The following MAGI2 variants were observed in gnomAD, a reference collection of about 807,000 sequenced individuals.
MAGI2 encodes membrane-associated guanylate kinase, WW and PDZ domain-containing protein 2.
Under a neutral mutation model 133.3 loss-of-function variants are expected in MAGI2, and 35 were observed. The observed-to-expected ratio is 0.26, with a 90% CI of 0.20 to 0.35. MAGI2 has a LOEUF of 0.35. Ranked by LOEUF, MAGI2 falls within the 10% of genes least tolerant of loss-of-function variation. The pLI, the probability that MAGI2 is intolerant of heterozygous loss-of-function variation, is 1.00. For missense variants in MAGI2, 1,636 were observed against 1,863.4 expected (o/e 0.88, Z 2.25); for synonymous variants, 729 against 710.6 (o/e 1.03, Z -0.41).
At chr7:79,254,424 A>G (rs1833542713) in intron 1 of MAGI2, among the ~76,000 whole-genome samples, 1 of 152,212 alleles carries the variant, frequency 6.6e-6, no homozygotes, top group Admixed American at 6.5e-5. Context: ...TGAGATACTT[A>G]CAAAGGCCAT....
At chr7:79,273,554 G>T in intron 1 of MAGI2, among the ~76,000 whole-genome samples, 1 of 152,064 alleles carries the variant, frequency 6.6e-6, no homozygotes, top group Non-Finnish European at 1.5e-5. Context: ...GGTTTTCATT[G>T]ATCAGCCTGA....
At chr7:78,845,447 T>G (rs929146900) in intron 2 of MAGI2, among the ~76,000 whole-genome samples, 2 of 151,816 alleles carry the variant, frequency 1.3e-5, no homozygotes, top group African/African-American at 4.8e-5. Flanking sequence ...CAATTAATAC[T>G]CCCCTCTCAG....
At chr7:79,385,152 C>T (rs564067269) in intron 1 of MAGI2, among the ~76,000 whole-genome samples, 19 of 151,726 alleles carry the variant, frequency 1.3e-4, no homozygotes, top group Admixed American at 4.6e-4. Context: ...CAAAACAGAG[C>T]ATGTACATAA....
At chr7:79,076,930 C>G (rs1306500036) in intron 1 of MAGI2, among the ~76,000 whole-genome samples, 2 of 152,058 alleles carry the variant, frequency 1.3e-5, no homozygotes, top group African/African-American at 4.8e-5. Flanking sequence ...AAGGGCAATT[C>G]CTGGTTACTA....
intron 6 of MAGI2, among the ~76,000 whole-genome samples, chr7:78,459,429 C>T (rs1012092169): frequency 3.3e-5 from 5 of 152,118 alleles, no homozygotes; most frequent in African/African-American, 1.2e-4. Context: ...AAAATGGAGT[C>T]TTTAAATTAA....
chr7:78,381,149 C>G (rs1308585765), intron 6 of MAGI2, among the ~76,000 whole-genome samples: 8 of 152,130 alleles, frequency 5.3e-5, no homozygotes, highest in Non-Finnish European at 1.2e-4. Flanking sequence ...GAGTTTGAGA[C>G]CAGCCTGGCC....
chr7:79,011,928 T>TTC (rs1562785441), intron 1 of MAGI2, among the ~76,000 whole-genome samples: 122 of 56,416 alleles, frequency 2.2e-3, no homozygotes, highest in South Asian at 5.2e-3. Flanking sequence ...TTCCTTCCTT[T>TTC]CTTTCTTTCT....
intron 20 of MAGI2, among the ~76,000 whole-genome samples, chr7:78,123,111 C>G (rs959911656): frequency 6.6e-6 from 1 of 152,102 alleles, no homozygotes; most frequent in African/African-American, 2.4e-5. Flanking sequence ...AGCAAGCAGA[C>G]GTGACAATGA....
intron 1 of MAGI2, among the ~76,000 whole-genome samples, chr7:79,344,509 C>G (rs1378028563): frequency 6.6e-6 from 1 of 152,022 alleles, no homozygotes; most frequent in African/African-American, 2.4e-5. Context: ...GCATTTCAGT[C>G]AGGTTTACAG....
At chr7:78,369,897 T>C (rs940537097) in intron 6 of MAGI2, among the ~76,000 whole-genome samples, 1 of 151,940 alleles carries the variant, frequency 6.6e-6, no homozygotes, top group African/African-American at 2.4e-5. Context: ...GGCAAAAACA[T>C]GCTGTCTGAA....
chr7:78,810,876 A>G (rs954356302), intron 2 of MAGI2, among the ~76,000 whole-genome samples: 1 of 152,130 alleles, frequency 6.6e-6, no homozygotes, highest in African/African-American at 2.4e-5. Context: ...GCTGGTAATA[A>G]TAACTGACAT....
At position 78,646,986 on chromosome 7, in the gene MAGI2, G is replaced by A. The variant is rs113406639; in HGVS notation, c.419-19747C>T. ...TACTTGAATATAAATTACTATAACC[G>A]CCTTGGTGGGTGGGTGACAGTAATT... On this transcript the variant is annotated intron_variant, in intron 2 of 21. Transcript: ENST00000354212. Among the ~76,000 whole-genome samples, 270 of 152,228 alleles carry A rather than the reference G, an allele frequency of 1.8e-3. 1 individual carries two copies. Among genetic ancestry groups the A allele is most frequent in the Admixed American group, 3.5e-3 (54 of 15,280 alleles).
intron 6 of MAGI2, among the ~76,000 whole-genome samples, chr7:78,441,740 C>G (rs1195842839): frequency 6.6e-6 from 1 of 151,930 alleles, no homozygotes; most frequent in African/African-American, 2.4e-5. Context: ...CTACACAAGA[C>G]ATTTAGTAGA....
At chr7:79,119,965 T>C (rs1005527464) in intron 1 of MAGI2, among the ~76,000 whole-genome samples, 1 of 152,126 alleles carries the variant, frequency 6.6e-6, no homozygotes, top group Non-Finnish European at 1.5e-5. Flanking sequence ...TTCTGATTTA[T>C]ATGTTTAAAT....
At chr7:79,234,105 G>A (rs1831645662) in intron 1 of MAGI2, among the ~76,000 whole-genome samples, 1 of 140,842 alleles carries the variant, frequency 7.1e-6, no homozygotes, top group South Asian at 2.5e-4. Context: ...TTTTCTTTAA[G>A]AATGTTGAAT....
chr7:78,284,231 T>G (rs1289723309), intron 9 of MAGI2, among the ~76,000 whole-genome samples: 1 of 152,146 alleles, frequency 6.6e-6, no homozygotes, highest in Non-Finnish European at 1.5e-5. Flanking sequence ...GCAAATGTTT[T>G]TTTAAGAACC....
intron 1 of MAGI2, among the ~76,000 whole-genome samples, chr7:79,149,368 G>T (rs1260630078): frequency 6.6e-6 from 1 of 151,568 alleles, no homozygotes; most frequent in South Asian, 2.1e-4. Context: ...TGGCTAAATG[G>T]CTCCTCTCAT....
At chr7:78,989,933 G>A (rs1584596831) in intron 2 of MAGI2, among the ~76,000 whole-genome samples, 1 of 151,980 alleles carries the variant, frequency 6.6e-6, no homozygotes, top group Admixed American at 6.6e-5. Context: ...AAAAATGTTC[G>A]CTCAACTCTT....
chr7:78,904,525 C>CTT (rs10665131), intron 2 of MAGI2, among the ~76,000 whole-genome samples: 46,812 of 134,518 alleles, frequency 0.35, 8,719 homozygotes, highest in East Asian at 0.57. Context: ...TAACGCAGTT[C>CTT]TTTTTTTTTT....
Sources: gnomAD v4.1 joint callset for allele counts (sites outside exome capture counted in the v4.1 genomes callset) on GRCh38, gnomAD v4.1.1 for gene constraint, MANE v1.5 for transcripts, NCBI Gene and HGNC (gene_info 2026-07-23, HGNC 2026-07-21) for gene names.